Variants in STAT4 observed in about 807,000 individuals in gnomAD.
STAT4 encodes signal transducer and activator of transcription 4.
STAT4 carries 42 observed loss-of-function variants against 110.5 expected under a neutral mutation model. That is an observed-to-expected ratio of 0.38 (90% CI 0.30 to 0.49). The LOEUF (loss-of-function observed/expected upper bound fraction) is 0.49. Ranked by LOEUF, STAT4 falls within the 20% of genes least tolerant of loss-of-function variation. The probability of loss-of-function intolerance (pLI) is 0.95; values close to 1 mark genes in which losing one functional copy is unlikely to be tolerated. For missense variants in STAT4, 632 were observed against 887.9 expected (o/e 0.71, Z 3.66); for synonymous variants, 284 against 302.2 (o/e 0.94, Z 0.63).
intron 1 of STAT4, among the ~76,000 whole-genome samples, chr2:191,149,081 T>C (rs1228724425): frequency 6.6e-6 from 1 of 152,254 alleles, no homozygotes; most frequent in East Asian, 1.9e-4. Context: ...AGTATGACGC[T>C]GCCTCCTTGA....
In STAT4 at chr2:191,117,700, T is replaced by C. The variant is rs1387849643; in HGVS notation, c.273+28913A>G. Among the ~76,000 whole-genome samples, 2 of 152,120 alleles carry C rather than the reference T, an allele frequency of 1.3e-5. No homozygotes were observed. The highest frequency in any genetic ancestry group is 3.9e-4 in the East Asian group (2 of 5,186). On this transcript the variant is annotated intron_variant, in intron 3 of 23. Transcript: ENST00000392320. This position sits in a 1 kb window ranked among gnomAD's most constrained non-coding sequence, Gnocchi z 5.2. ...ATTGCAAGCAATGAGTAGAGTCCAT[T>C]CTAAGAATACAAAATACCCACATCC...
chr2:191,120,346 G>C (rs140994215), intron 3 of STAT4, among the ~76,000 whole-genome samples: 1 of 152,156 alleles, frequency 6.6e-6, no homozygotes, highest in East Asian at 1.9e-4. Context: ...GTAAAACAGA[G>C]ACAGACAAAA....
Position 191,116,443 on chromosome 2 carries a change from A to AG in STAT4, c.273+30169dup, listed in dbSNP as rs1249465449. On this transcript the variant is annotated intron_variant, in intron 3 of 23. Transcript: ENST00000392320. This position sits in a 1 kb window ranked among gnomAD's most constrained non-coding sequence, Gnocchi z 4.1. ...AAGTTGAGAAATGCTAATTCAAGTTAGAAAGAAATACCCGAGTAGCCTAGA... is the reference window on the plus strand; with the variant it reads ...AAGTTGAGAAATGCTAATTCAAGTTAGGAAAGAAATACCCGAGTAGCCTAGA... 2.6e-5 allele frequency among the ~76,000 whole-genome samples: 4 copies of AG among 152,242 alleles called. No homozygotes were observed. The East Asian group carries it at 7.7e-4, about 29-fold the overall frequency.
In STAT4 at chr2:191,073,019, T is replaced by C. The variant is rs566673882; in HGVS notation, c.465+79A>G. On this transcript the variant is annotated intron_variant, in intron 5 of 23. Coordinates refer to ENST00000392320, the MANE Select transcript of STAT4 (RefSeq NM_003151.4). Reference sequence around the variant, plus strand: ...CCTATGATTTCTGTATACATTAACTTTGGGTGCATGGGAGAATGGTGCATA... The same window carrying C: ...CCTATGATTTCTGTATACATTAACTCTGGGTGCATGGGAGAATGGTGCATA... 17 of 1,142,712 alleles carry C rather than the reference T, an allele frequency of 1.5e-5. 1 individual carries two copies. In the South Asian group the frequency reaches 2.4e-4, roughly 16 times the overall value. The allele number at this position is 1,142,712 out of a possible 1,614,324, so 70.8% of individuals were successfully genotyped here.
At chr2:191,073,218 CT>C (rs1468169638) in intron 4 of STAT4, 28 bp from the exon 5 acceptor site, 1 of 1,603,598 alleles carries the variant, frequency 6.2e-7, no homozygotes. Context: ...TGAAATCTCT[CT>C]GGTTTTGAAA....
In STAT4 at chr2:191,104,209, A is replaced by AT. The variant is rs1218337768; in HGVS notation, c.274-27885dup. 2.6e-5 allele frequency among the ~76,000 whole-genome samples: 4 copies of AT among 152,026 alleles called. No homozygotes were observed. The highest frequency in any genetic ancestry group is 2.6e-4 in the Admixed American group (4 of 15,244). On this transcript the variant is annotated intron_variant, in intron 3 of 23. Coordinates refer to ENST00000392320, the MANE Select transcript of STAT4 (RefSeq NM_003151.4). The surrounding 1 kb of genome is among the most constrained non-coding windows in gnomAD (Gnocchi z 4.3). ...CTGGATGATAGAATTATGGATAAAT[A>AT]TTTTTTTCTTTTTGTCCTTCTTCAT...
At position 191,145,688 on chromosome 2, in the gene STAT4, C is replaced by T. The variant is rs570383613; in HGVS notation, c.273+925G>A. On this transcript the variant is annotated intron_variant, in intron 3 of 23. Coordinates refer to ENST00000392320, the MANE Select transcript of STAT4 (RefSeq NM_003151.4). Reference sequence around the variant, plus strand: ...CTTCTCACAAATGTAATGTCAAGAACATTTCTATTATAGTCTAGTTAAAAT... The same window carrying T: ...CTTCTCACAAATGTAATGTCAAGAATATTTCTATTATAGTCTAGTTAAAAT... Among the ~76,000 whole-genome samples, 10 of 152,260 alleles carry T rather than the reference C, an allele frequency of 6.6e-5. No individual in the cohort carries two copies. In the South Asian group the frequency reaches 1.7e-3, roughly 25 times the overall value.
chr2:191,080,882 G>A (rs1300460648), intron 3 of STAT4, among the ~76,000 whole-genome samples: 4 of 151,894 alleles, frequency 2.6e-5, no homozygotes, highest in African/African-American at 7.3e-5. Flanking sequence ...TTTAAGTTCT[G>A]GGATACATGT....
At chr2:191,105,063 A>C (rs1202417998) in intron 3 of STAT4, among the ~76,000 whole-genome samples, 1 of 152,246 alleles carries the variant, frequency 6.6e-6, no homozygotes, top group African/African-American at 2.4e-5. Flanking sequence ...ACATATTTAA[A>C]TCCCCATATA....
In STAT4 at chr2:191,066,475, A is replaced by C; in HGVS notation, c.585T>G (p.Val195=). The change falls in exon 7 of 24, where the codon GTT becomes GTG. Residue 195 remains valine (V), a synonymous_variant. Transcript: ENST00000392320. This position sits in a 1 kb window ranked among gnomAD's most constrained non-coding sequence, Gnocchi z 4.3. ...TGTTAAGCATTTCCTGCAGTGTCAA[A>C]ACTTCCTGATTCACCATGGCACTAT... ...DKNSAMVNQE[V]LTLQEMLNSL... 1 of 1,613,524 alleles carries C rather than the reference A, an allele frequency of 6.2e-7. No homozygotes were observed. Among genetic ancestry groups the C allele is most frequent in the Non-Finnish European group, 8.5e-7 (1 of 1,179,676 alleles).
chr2:191,049,968 C>A (rs1037025507), intron 14 of STAT4, among the ~76,000 whole-genome samples: 1 of 152,194 alleles, frequency 6.6e-6, no homozygotes, highest in African/African-American at 2.4e-5. Flanking sequence ...GTGTGAGTAG[C>A]GCGTCTGTGT....
At chr2:191,073,295 G>T (rs929010572) in intron 4 of STAT4, 105 bp from the exon 5 acceptor site, 20 of 829,384 alleles carry the variant, frequency 2.4e-5, no homozygotes, top group Non-Finnish European at 4.0e-5. Context: ...AATGTGATAT[G>T]GATACTCTAT....
At position 191,058,126 on chromosome 2, in the gene STAT4, T is replaced by G. The variant is rs3024928; in HGVS notation, c.1113-15A>C. On this transcript the variant is annotated splice_polypyrimidine_tract_variant and intron_variant, in intron 12 of 23. Coordinates refer to ENST00000392320, the MANE Select transcript of STAT4 (RefSeq NM_003151.4). The surrounding 1 kb of genome is among the most constrained non-coding windows in gnomAD (Gnocchi z 4.3). ...ATCTTCGGTTGCTGGAGAGGAAATC[T>G]TAGCTATTTACATGGTCTCAGGTAA... is the stretch of plus-strand genomic sequence containing the variant. 8.1e-5 allele frequency: 131 copies of G among 1,613,786 alleles called. No homozygotes were observed. Among genetic ancestry groups the G allele is most frequent in the Non-Finnish European group, 1.1e-4 (127 of 1,179,716 alleles).
At position 191,050,335 on chromosome 2, in the gene STAT4, G is replaced by C. The variant is rs183204138; in HGVS notation, c.1251+4155C>G. Among the ~76,000 whole-genome samples the C allele has an allele frequency of 6.6e-6, 1 of 152,182 alleles. No homozygotes were observed. The highest frequency in any genetic ancestry group is 1.5e-5 in the Non-Finnish European group (1 of 68,044). On this transcript the variant is annotated intron_variant, in intron 14 of 23. Transcript: ENST00000392320. The surrounding 1 kb of genome is among the most constrained non-coding windows in gnomAD (Gnocchi z 4.3). Reference sequence around the variant, plus strand: ...GCCTCAAAGTCTGGCCACTTTCTAGGTGATGAAATTGTTTATTCACATTGA... The same window carrying C: ...GCCTCAAAGTCTGGCCACTTTCTAGCTGATGAAATTGTTTATTCACATTGA...
At chr2:191,123,819 G>T (rs1034795084) in intron 3 of STAT4, among the ~76,000 whole-genome samples, 3 of 152,192 alleles carry the variant, frequency 2.0e-5, no homozygotes, top group Non-Finnish European at 4.4e-5. Flanking sequence ...TGAGAGTATT[G>T]TACTGCGTTA....
chr2:191,146,752 G>T lies in STAT4; in HGVS notation c.134C>A (p.Ala45Glu). 6.5e-7 allele frequency: 1 copy of T among 1,529,404 alleles called. No individual in the cohort carries two copies. The highest frequency in any genetic ancestry group is 8.8e-7 in the Non-Finnish European group (1 of 1,142,480). 94.7% of individuals were successfully genotyped at this position (1,529,404 alleles called of 1,614,324 possible). The change falls in exon 3 of 24, where the codon GCA becomes GAA. Residue 45 changes from alanine to glutamate, a missense_variant. Ala to Glu is a moderately radical substitution (Grantham distance 107). Around this residue, in one of 4 missense-constraint regions of STAT4, gnomAD observed 488 missense variants for 632.8 expected, o/e 0.77. Transcript: ENST00000392320. The surrounding 1 kb of genome is among the most constrained non-coding windows in gnomAD (Gnocchi z 4.5). ...AQWIENQDWEAASNNETMATI... is the reference protein window; with the variant it reads ...AQWIENQDWEEASNNETMATI... ...TGCCATGGTTTCATTGTTAGAAGCT[G>T]CCTCCCTAAAAAAAAAAAGGATTAT... is the stretch of plus-strand genomic sequence containing the variant.
At chr2:191,139,507 A>C (rs1324679031) in intron 3 of STAT4, among the ~76,000 whole-genome samples, 3 of 152,194 alleles carry the variant, frequency 2.0e-5, no homozygotes, top group Non-Finnish European at 4.4e-5. Context: ...AATAGCTGCA[A>C]AAAAGAAAGA....
intron 1 of STAT4, among the ~76,000 whole-genome samples, chr2:191,149,860 T>A (rs1699549271): frequency 6.6e-6 from 1 of 152,242 alleles, no homozygotes; most frequent in African/African-American, 2.4e-5. Flanking sequence ...ACCCCCGCTA[T>A]GATTTGGATG....
chr2:191,082,529 G>C lies in STAT4; in HGVS notation c.274-6204C>G, dbSNP rs1264076159. On this transcript the variant is annotated intron_variant, in intron 3 of 23. Coordinates refer to ENST00000392320, the MANE Select transcript of STAT4 (RefSeq NM_003151.4). The surrounding 1 kb of genome is among the most constrained non-coding windows in gnomAD (Gnocchi z 4.7). Reference sequence around the variant, plus strand: ...CACATGGCAACAGCAATTAAGAGGTGTTATTGATTATAATATGCATTCTAT... The same window carrying C: ...CACATGGCAACAGCAATTAAGAGGTCTTATTGATTATAATATGCATTCTAT... Among the ~76,000 whole-genome samples the C allele has an allele frequency of 6.6e-6, 1 of 152,200 alleles. No individual in the cohort carries two copies. The highest frequency in any genetic ancestry group is 1.5e-5 in the Non-Finnish European group (1 of 68,040).
Sources: gnomAD v4.1 joint callset for allele counts (sites outside exome capture counted in the v4.1 genomes callset) on GRCh38, gnomAD v4.1.1 for gene constraint, gnomAD v4.1.1 regional missense constraint, Gnocchi (gnomAD v3.1) non-coding constraint, MANE v1.5 for transcripts, NCBI Gene and HGNC (gene_info 2026-07-23, HGNC 2026-07-21) for gene names.